The following NCAPG2 variants were observed in gnomAD, a reference collection of about 807,000 sequenced individuals.
NCAPG2 encodes the protein condensin-2 complex subunit G2.
Under a neutral mutation model 141.1 loss-of-function variants are expected in NCAPG2, and 53 were observed. The ratio of observed to expected loss-of-function variants is 0.38; its 90% confidence interval spans 0.30 to 0.47. The LOEUF is 0.47. Ranked by LOEUF, NCAPG2 falls within the 20% of genes least tolerant of loss-of-function variation. The pLI is 0.99. For synonymous variants in NCAPG2, 499 were observed against 490.7 expected (o/e 1.02, Z -0.22); for missense variants, 1,087 against 1,389.0 (o/e 0.78, Z 3.46).
chr7:158,699,119 T>C (rs1002672143), intron 2 of NCAPG2, among the ~76,000 whole-genome samples: 3 of 152,132 alleles, frequency 2.0e-5, no homozygotes, highest in African/African-American at 7.2e-5. Context: ...GTGTCTTGTT[T>C]TTCTTCCTCT....
intron 19 of NCAPG2, 101 bp downstream of exon 19, chr7:158,656,159 C>T: frequency 7.1e-7 from 1 of 1,410,240 alleles, no homozygotes; most frequent in East Asian, 2.3e-5. Flanking sequence ...TCTGTTCCAG[C>T]CAGAACACTT....
intron 6 of NCAPG2, 95 bp from the exon 7 acceptor site, chr7:158,687,537 G>T: frequency 1.1e-6 from 1 of 874,256 alleles, no homozygotes; most frequent in Admixed American, 2.7e-5. Context: ...GCTAAACATT[G>T]CTATTGCTAA....
At chr7:158,684,579 T>C (rs2129468131) in intron 8 of NCAPG2, among the ~76,000 whole-genome samples, 1 of 152,296 alleles carries the variant, frequency 6.6e-6, no homozygotes, top group East Asian at 1.9e-4. Context: ...ATGAATAAAG[T>C]AGTATGTAGA....
chr7:158,661,611 G>A (rs1382079527), intron 16 of NCAPG2, among the ~76,000 whole-genome samples: 1 of 152,102 alleles, frequency 6.6e-6, no homozygotes, highest in African/African-American at 2.4e-5. Flanking sequence ...AAGCATTCTC[G>A]CCACAGAAAT....
chr7:158,699,568 T>C (rs899728919), intron 2 of NCAPG2, among the ~76,000 whole-genome samples: 10 of 152,154 alleles, frequency 6.6e-5, no homozygotes, highest in Admixed American at 1.3e-4. Flanking sequence ...CCTCACCTGC[T>C]ATGACCCAAA....
chr7:158,631,448 C>A lies in NCAPG2; in HGVS notation c.*218G>T. On this transcript the variant is annotated 3_prime_UTR_variant, in exon 28 of 28. Coordinates refer to ENST00000356309, the MANE Select transcript of NCAPG2 (RefSeq NM_017760.7). ...TTCTACACCATTCATACCTGGAGTC[C>A]TTTATATTAAATATATTATTTACGC... is the stretch of plus-strand genomic sequence containing the variant. The A allele has an allele frequency of 1.8e-6, 1 of 552,302 alleles. No homozygotes were observed. Among genetic ancestry groups the A allele is most frequent in the Non-Finnish European group, 3.1e-6 (1 of 317,492 alleles). 34.2% of individuals were successfully genotyped at this position (552,302 alleles called of 1,614,324 possible). A position where few individuals can be genotyped will look rare whatever the true frequency, so the allele number is the denominator to read the frequency against.
chr7:158,692,766 TA>T (rs1378890284), intron 4 of NCAPG2, 75 bp downstream of exon 4: 2 of 962,030 alleles, frequency 2.1e-6, no homozygotes, highest in Admixed American at 4.7e-5. Context: ...AATGAATGAA[TA>T]AATAAAAACA....
intron 13 of NCAPG2, chr7:158,665,349 C>T (rs1832837647): frequency 6.6e-6 from 1 of 152,520 alleles, no homozygotes; most frequent in Non-Finnish European, 1.5e-5. Flanking sequence ...GTGATAGCGT[C>T]CCTCTTCTCA....
intron 2 of NCAPG2, among the ~76,000 whole-genome samples, 167 bp downstream of exon 2, chr7:158,701,655 C>T (rs960012931): frequency 3.3e-5 from 5 of 152,210 alleles, no homozygotes; most frequent in Admixed American, 6.5e-5. Flanking sequence ...CGTAGCCCAC[C>T]AGCAGGTAGA....
At chr7:158,646,351 GA>G in intron 25 of NCAPG2, 108 bp downstream of exon 25, 1 of 704,464 alleles carries the variant, frequency 1.4e-6, no homozygotes. Context: ...TTTTCTCATA[GA>G]AAAGAATGTA....
At chr7:158,680,886 G>C in intron 9 of NCAPG2, 70 bp from the exon 10 acceptor site, 1 of 1,171,584 alleles carries the variant, frequency 8.5e-7, no homozygotes, top group Non-Finnish European at 1.2e-6. Flanking sequence ...ATGGCATTTG[G>C]AAAGAGCAAC....
chr7:158,631,641 T>A lies in NCAPG2; in HGVS notation c.*25A>T. On this transcript the variant is annotated 3_prime_UTR_variant, in exon 28 of 28. Coordinates refer to ENST00000356309, the MANE Select transcript of NCAPG2 (RefSeq NM_017760.7). ...AATTTGAATCACTTTTCCCTATTTT[T>A]ACATGTCTGGAGATGTTGGCTTGGT... 1 of 1,552,402 alleles carries A rather than the reference T, an allele frequency of 6.4e-7. No individual in the cohort carries two copies. Among genetic ancestry groups the A allele is most frequent in the Non-Finnish European group, 8.9e-7 (1 of 1,125,440 alleles).
chr7:158,651,216 C>T (rs962125538), intron 23 of NCAPG2, among the ~76,000 whole-genome samples: 2 of 152,060 alleles, frequency 1.3e-5, no homozygotes, highest in South Asian at 2.1e-4. Flanking sequence ...TGATGATATT[C>T]TTTCCCCAAA....
At chr7:158,637,380 G>A (rs928327336) in intron 27 of NCAPG2, among the ~76,000 whole-genome samples, 9 of 152,104 alleles carry the variant, frequency 5.9e-5, no homozygotes, top group Admixed American at 4.6e-4. Context: ...CCAGTTCAAC[G>A]TCCCATCACC....
At position 158,631,619 on chromosome 7, in the gene NCAPG2, T is replaced by G. The variant is rs1829896087; in HGVS notation, c.*47A>C. Reference sequence around the variant, plus strand: ...TAGGAAAATACACAGGCATTTCAATTTGAATCACTTTTCCCTATTTTTACA... The same window carrying G: ...TAGGAAAATACACAGGCATTTCAATGTGAATCACTTTTCCCTATTTTTACA... On this transcript the variant is annotated 3_prime_UTR_variant, in exon 28 of 28. Coordinates refer to ENST00000356309, the MANE Select transcript of NCAPG2 (RefSeq NM_017760.7). 1 of 1,461,984 alleles carries G rather than the reference T, an allele frequency of 6.8e-7. No individual in the cohort carries two copies. The highest frequency in any genetic ancestry group is 9.6e-7 in the Non-Finnish European group (1 of 1,044,302). The allele number at this position is 1,461,984 out of a possible 1,614,324, so 90.6% of individuals were successfully genotyped here.
intron 13 of NCAPG2, among the ~76,000 whole-genome samples, chr7:158,669,014 A>C (rs953770094): frequency 1.3e-5 from 2 of 152,224 alleles, no homozygotes; most frequent in Non-Finnish European, 2.9e-5. Context: ...AAGTGAGAAC[A>C]TGCGGTATTT....
intron 13 of NCAPG2, 100 bp from the exon 14 acceptor site, chr7:158,664,850 AT>A: frequency 1.1e-6 from 1 of 948,354 alleles, no homozygotes; most frequent in Non-Finnish European, 1.5e-6. Context: ...AAAGGAACTA[AT>A]TTTTATATTT....
At chr7:158,639,563 C>G (rs972853004) in intron 27 of NCAPG2, among the ~76,000 whole-genome samples, 1 of 152,092 alleles carries the variant, frequency 6.6e-6, no homozygotes, top group Non-Finnish European at 1.5e-5. Context: ...TAGACCAATG[C>G]AAGAAATTGT....
intron 22 of NCAPG2, among the ~76,000 whole-genome samples, chr7:158,652,725 T>A (rs1349617158): frequency 6.6e-6 from 1 of 152,246 alleles, no homozygotes; most frequent in Admixed American, 6.5e-5. Context: ...ACAGTAATAG[T>A]GTATTAGTCA....
Sources: gnomAD v4.1 joint callset for allele counts (sites outside exome capture counted in the v4.1 genomes callset) on GRCh38, gnomAD v4.1.1 for gene constraint, MANE v1.5 for transcripts, NCBI Gene and HGNC (gene_info 2026-07-23, HGNC 2026-07-21) for gene names.